DMD: variants seen among roughly 807,000 people sequenced by gnomAD.
DMD encodes dystrophin.
A neutral mutation model predicts 330.1 loss-of-function variants in DMD; 63 were observed. The ratio of observed to expected loss-of-function variants is 0.19; its 90% CI spans 0.16 to 0.24. DMD has a LOEUF of 0.24. Ranked by LOEUF, DMD falls within the 10% of genes least tolerant of loss-of-function variation. DMD has a pLI of 1.00. For synonymous variants in DMD, 1,223 were observed against 959.8 expected, an observed-to-expected ratio of 1.27 and a Z score of -5.07; for missense variants, 3,344 against 2,684.1, an observed-to-expected ratio of 1.25 and a Z score of -5.43.
At chrX:31,266,866 TGGA>T (rs748782439) in intron 62 of DMD, 4 of 1,197,989 alleles carry the variant, frequency 3.3e-6, no homozygotes, top group Middle Eastern at 4.7e-4. Context: ...TGGGTACGAG[TGGA>T]GGAGTGAGCT....
chrX:32,837,955 T>C (rs1205841164), intron 4 of DMD, among the ~76,000 whole-genome samples: 1 of 112,036 alleles, frequency 8.9e-6, no homozygotes, highest in Non-Finnish European at 1.9e-5. Flanking sequence ...GGGAGATTTA[T>C]TGATAATGCT....
chrX:31,732,384 G>A (rs2086573347), intron 51 of DMD, among the ~76,000 whole-genome samples: 1 of 111,150 alleles, frequency 9.0e-6, no homozygotes, highest in Admixed American at 9.6e-5. Context: ...TAGAAATAAA[G>A]AGAGGGATTT....
At chrX:31,284,573 T>TTCTTCTTCTTCTTCTTCC in intron 62 of DMD, among the ~76,000 whole-genome samples, 1 of 80,533 alleles carries the variant, frequency 1.2e-5, no homozygotes, top group African/African-American at 4.8e-5. Flanking sequence ...CTTCTTCTTC[T>TTCTTCTTCTTCTTCTTCC]TCTTCTTCTT....
intron 53 of DMD, among the ~76,000 whole-genome samples, chrX:31,673,151 T>C (rs748597370): frequency 8.9e-6 from 1 of 112,229 alleles, no homozygotes; most frequent in East Asian, 2.8e-4. Flanking sequence ...AGGCTGCTAG[T>C]TTTCACAGCT....
intron 62 of DMD, among the ~76,000 whole-genome samples, chrX:31,263,671 C>CT (rs1173170559): frequency 4.5e-5 from 5 of 111,660 alleles, no homozygotes; most frequent in African/African-American, 1.6e-4. Flanking sequence ...AGAAGCTAAC[C>CT]TTTCTCACCT....
intron 2 of DMD, among the ~76,000 whole-genome samples, chrX:32,995,409 T>C (rs761287195): frequency 8.9e-6 from 1 of 112,482 alleles, no homozygotes; most frequent in Non-Finnish European, 1.9e-5. Flanking sequence ...ATTGTCCATT[T>C]TTCTCATATG....
intron 30 of DMD, among the ~76,000 whole-genome samples, chrX:32,400,249 C>T (rs1030873911): frequency 4.5e-5 from 5 of 111,652 alleles, no homozygotes; most frequent in African/African-American, 1.6e-4. Context: ...TGTTTAGATG[C>T]TGGATTACAT....
intron 1 of DMD, among the ~76,000 whole-genome samples, chrX:33,198,270 T>C (rs781727464): frequency 1.3e-4 from 14 of 111,339 alleles, no homozygotes; most frequent in African/African-American, 4.6e-4. Context: ...TTTTTTCCAC[T>C]AGATTATTTG....
At chrX:33,097,899 G>A in intron 1 of DMD, among the ~76,000 whole-genome samples, 1 of 111,130 alleles carries the variant, frequency 9.0e-6, no homozygotes, top group Non-Finnish European at 1.9e-5. Flanking sequence ...ACAGGTGTGA[G>A]CCACCATGCC....
intron 55 of DMD, among the ~76,000 whole-genome samples, chrX:31,607,406 G>A (rs1286638017): frequency 8.9e-6 from 1 of 112,027 alleles, no homozygotes; most frequent in Non-Finnish European, 1.9e-5. Flanking sequence ...AAGAAGCCTT[G>A]CAGAGAGCCA....
chrX:32,778,570 C>CTA (rs2074402447), intron 7 of DMD, among the ~76,000 whole-genome samples: 1 of 112,170 alleles, frequency 8.9e-6, no homozygotes, highest in Non-Finnish European at 1.9e-5. Context: ...TCTTATTAGA[C>CTA]TAAACTCAAG....
At chrX:32,333,432 C>A (rs1238246860) in intron 41 of DMD, among the ~76,000 whole-genome samples, 1 of 111,318 alleles carries the variant, frequency 9.0e-6, no homozygotes, top group Non-Finnish European at 1.9e-5. Context: ...CGTCTTCTGG[C>A]TTCTATCATT....
chrX:31,875,451 A>G (rs1029726402), intron 47 of DMD, 78 bp from the exon 48 acceptor site: 1 of 809,134 alleles, frequency 1.2e-6, no homozygotes, highest in African/African-American at 2.1e-5. Context: ...TATTTTCAAA[A>G]GTTATTTATC....
chrX:31,651,025 T>G (rs2080422463), intron 54 of DMD, among the ~76,000 whole-genome samples: 1 of 111,892 alleles, frequency 8.9e-6, no homozygotes, highest in Non-Finnish European at 1.9e-5. Context: ...AGGGAATTGT[T>G]TCTAGAGCAA....
rs960035423 is a variant in DMD, at chrX:32,565,604, T to C, written c.1992+98A>G. 5 of 874,312 alleles carry C rather than the reference T, an allele frequency of 5.7e-6. No individual in the cohort carries two copies. The African/African-American group carries it at 8.1e-5, about 14-fold the overall frequency. The allele number at this position is 874,312 out of a possible 1,213,427, so 72.1% of individuals were successfully genotyped here. On this transcript the variant is annotated intron_variant, in intron 16 of 78. Coordinates refer to ENST00000357033, the MANE Select transcript of DMD (RefSeq NM_004006.3). ...TAACTAAACACAGGGCAAAAACTAATCTGGTTGCTTCTTTTGTAGGGTTAT... is the reference window on the plus strand; with the variant it reads ...TAACTAAACACAGGGCAAAAACTAACCTGGTTGCTTCTTTTGTAGGGTTAT...
intron 41 of DMD, among the ~76,000 whole-genome samples, chrX:32,335,934 C>T (rs1012594659): frequency 3.9e-5 from 4 of 103,669 alleles, no homozygotes; most frequent in Non-Finnish European, 7.8e-5. Context: ...TTATATATAA[C>T]GTGTATACGT....
At chrX:33,259,609 C>CAA (rs202121417) in intron 1 of DMD, among the ~76,000 whole-genome samples, 6 of 56,705 alleles carry the variant, frequency 1.1e-4, no homozygotes, top group African/African-American at 3.2e-4. Flanking sequence ...CCCCCCCCCC[C>CAA]AAAAAAAAAA....
chrX:32,433,953 C>T (rs182356963), intron 29 of DMD, among the ~76,000 whole-genome samples: 302 of 111,898 alleles, frequency 2.7e-3, no homozygotes, highest in Middle Eastern at 0.014. Flanking sequence ...TCTTTCAAAT[C>T]ATTACTGTGA....
At chrX:32,988,755 G>A (rs1407892800) in intron 2 of DMD, among the ~76,000 whole-genome samples, 1 of 111,683 alleles carries the variant, frequency 9.0e-6, no homozygotes, top group Non-Finnish European at 1.9e-5. Context: ...GGAAGCAAAT[G>A]TTCATCTTTC....
Sources: gnomAD v4.1 joint callset for allele counts (sites outside exome capture counted in the v4.1 genomes callset) on GRCh38, gnomAD v4.1.1 for gene constraint, MANE v1.5 for transcripts, NCBI Gene and HGNC (gene_info 2026-07-23, HGNC 2026-07-21) for gene names.